PTPRJ: variants seen among roughly 807,000 people sequenced by gnomAD.
PTPRJ encodes the protein protein tyrosine phosphatase receptor type J.
Under a neutral mutation model 141.3 loss-of-function variants are expected in PTPRJ, and 129 were observed. That is an observed-to-expected ratio of 0.91 (90% CI 0.79 to 1.06). The LOEUF (loss-of-function observed/expected upper bound fraction) is 1.06, where lower values mean the gene tolerates loss of function less well. Among genes scored for constraint, PTPRJ ranks in the 50% least tolerant of loss-of-function variants. The pLI, the probability that PTPRJ is intolerant of heterozygous loss-of-function variation, is 0.00. For synonymous variants in PTPRJ, 610 were observed against 640.5 expected, an observed-to-expected ratio of 0.95 and a Z score of 0.72; for missense variants, 1,601 against 1,679.7, an observed-to-expected ratio of 0.95 and a Z score of 0.82.
chr11:48,110,080 A>G lies in PTPRJ; in HGVS notation c.115+4A>G. The stretch of plus-strand genomic sequence containing the variant: ...CAGATCCTGTGCGCAGGTGGCAGTG[A>G]GTACCCTTTTCCTCTCTATTCTTGT... On this transcript the variant is annotated splice_donor_region_variant and intron_variant, in intron 2 of 24. Coordinates refer to ENST00000418331, the MANE Select transcript of PTPRJ (RefSeq NM_002843.4). 3 of 1,613,586 alleles carry G rather than the reference A, an allele frequency of 1.9e-6. No homozygotes were observed. The highest frequency in any genetic ancestry group is 1.3e-5 in the African/African-American group (1 of 75,052).
At chr11:48,157,027 G>A (rs1008816906) in intron 21 of PTPRJ, among the ~76,000 whole-genome samples, 2 of 151,064 alleles carry the variant, frequency 1.3e-5, no homozygotes, top group Non-Finnish European at 3.0e-5. Context: ...GTCTCACTCT[G>A]TCGCCAGGCT....
At chr11:48,127,737 T>G in intron 6 of PTPRJ, 43 bp from the exon 7 acceptor site, 1 of 1,598,386 alleles carries the variant, frequency 6.3e-7, no homozygotes, top group Non-Finnish European at 8.5e-7. Context: ...TCCCTCTGCC[T>G]TGGCCGTTCT....
intron 1 of PTPRJ, among the ~76,000 whole-genome samples, chr11:47,982,845 T>G (rs1853946956): frequency 6.6e-6 from 1 of 152,162 alleles, no homozygotes. Flanking sequence ...TATTTAGATA[T>G]TTCCTTCCTC....
chr11:48,049,743 A>G (rs533130649), intron 1 of PTPRJ, among the ~76,000 whole-genome samples: 2 of 150,874 alleles, frequency 1.3e-5, no homozygotes, highest in South Asian at 2.1e-4. Context: ...AAGAATTGGT[A>G]CTATCTTAGA....
intron 1 of PTPRJ, among the ~76,000 whole-genome samples, chr11:48,103,245 G>C (rs992921169): frequency 6.6e-6 from 1 of 152,160 alleles, no homozygotes; most frequent in Non-Finnish European, 1.5e-5. Flanking sequence ...GAAACCTTCA[G>C]GCCAGGAGTT....
chr11:48,089,894 C>G (rs1225040672), intron 1 of PTPRJ, among the ~76,000 whole-genome samples: 1 of 152,164 alleles, frequency 6.6e-6, no homozygotes, highest in African/African-American at 2.4e-5. Context: ...AAGTGCAGTG[C>G]CTTCATTTCC....
intron 11 of PTPRJ, 54 bp downstream of exon 11, chr11:48,139,830 G>T: frequency 6.3e-7 from 1 of 1,580,050 alleles, no homozygotes; most frequent in Non-Finnish European, 8.7e-7. Context: ...TCCTGGAGCG[G>T]CTGACCCACA....
intron 1 of PTPRJ, among the ~76,000 whole-genome samples, chr11:48,057,293 C>T (rs61914720): frequency 0.068 from 10,259 of 151,558 alleles, 515 homozygotes; most frequent in African/African-American, 0.14. Context: ...TCTGGGTAAA[C>T]GTTAGTTGTT....
intron 1 of PTPRJ, among the ~76,000 whole-genome samples, chr11:48,032,620 G>GT (rs1251551417): frequency 6.6e-6 from 1 of 152,124 alleles, no homozygotes; most frequent in Non-Finnish European, 1.5e-5. Flanking sequence ...TTAGTCGGGC[G>GT]TGGTGGCACA....
At chr11:47,985,004 C>T (rs922522653) in intron 1 of PTPRJ, among the ~76,000 whole-genome samples, 2 of 151,940 alleles carry the variant, frequency 1.3e-5, no homozygotes, top group Non-Finnish European at 2.9e-5. Flanking sequence ...AGGCACGTGC[C>T]GCCATGCCCA....
At chr11:48,022,356 C>T (rs988052423) in intron 1 of PTPRJ, among the ~76,000 whole-genome samples, 3 of 151,756 alleles carry the variant, frequency 2.0e-5, no homozygotes, top group African/African-American at 4.8e-5. Flanking sequence ...CCCAGTTACT[C>T]AGGAGGCTGA....
At chr11:48,160,448 C>T (rs1209267281) in intron 22 of PTPRJ, among the ~76,000 whole-genome samples, 1 of 152,192 alleles carries the variant, frequency 6.6e-6, no homozygotes, top group African/African-American at 2.4e-5. Flanking sequence ...ATAACAGTTA[C>T]ATTAATAGGA....
chr11:48,167,408 A>T lies in PTPRJ; in HGVS notation c.*46A>T. On this transcript the variant is annotated 3_prime_UTR_variant, in exon 25 of 25. Coordinates refer to ENST00000418331, the MANE Select transcript of PTPRJ (RefSeq NM_002843.4). The stretch of plus-strand genomic sequence containing the variant: ...TGGAGTGAACCAGACCGTCGCACCC[A>T]CAGCGAAGGCACATGCCCCGATGTC... 15 of 1,578,796 alleles carry T rather than the reference A, an allele frequency of 9.5e-6. No individual in the cohort carries two copies. The highest frequency in any genetic ancestry group is 1.3e-5 in the Non-Finnish European group (15 of 1,154,122).
At chr11:48,053,365 TATA>T (rs1237964951) in intron 1 of PTPRJ, among the ~76,000 whole-genome samples, 7 of 98,838 alleles carry the variant, frequency 7.1e-5, no homozygotes, top group South Asian at 2.4e-4. Flanking sequence ...TATATAAAAA[TATA>T]ATATATATAA....
chr11:48,145,558 G>GTTTTTTTT (rs574426609), intron 14 of PTPRJ, among the ~76,000 whole-genome samples: 1 of 117,506 alleles, frequency 8.5e-6, no homozygotes, highest in Non-Finnish European at 1.7e-5. Flanking sequence ...TTTATTTTAT[G>GTTTTTTTT]TTTTTTTTTT....
chr11:48,001,995 A>T (rs2134191017), intron 1 of PTPRJ, among the ~76,000 whole-genome samples: 1 of 152,244 alleles, frequency 6.6e-6, no homozygotes, highest in East Asian at 1.9e-4. Flanking sequence ...ACTTCCAAAC[A>T]CAGCTTCTGT....
intron 1 of PTPRJ, among the ~76,000 whole-genome samples, chr11:48,065,382 G>A (rs969000531): frequency 7.2e-5 from 11 of 151,990 alleles, no homozygotes; most frequent in Non-Finnish European, 1.3e-4. Context: ...GGGAGGCGGT[G>A]GCTCTCCCAG....
intron 1 of PTPRJ, among the ~76,000 whole-genome samples, chr11:48,028,979 C>G (rs942689823): frequency 1.3e-5 from 2 of 152,230 alleles, no homozygotes; most frequent in African/African-American, 4.8e-5. Context: ...TAAATTGTCA[C>G]TGTATGGTTT....
chr11:47,981,998 C>T (rs1182116333), intron 1 of PTPRJ, among the ~76,000 whole-genome samples: 1 of 152,238 alleles, frequency 6.6e-6, no homozygotes, highest in Non-Finnish European at 1.5e-5. Context: ...ATACAGACAC[C>T]ATCTCTGAGG....
Sources: gnomAD v4.1 joint callset for allele counts (sites outside exome capture counted in the v4.1 genomes callset) on GRCh38, gnomAD v4.1.1 for gene constraint, MANE v1.5 for transcripts, NCBI Gene and HGNC (gene_info 2026-07-23, HGNC 2026-07-21) for gene names.